Variants in CYB5R3 observed in about 807,000 individuals in gnomAD.
CYB5R3 encodes cytochrome b5 reductase 3.
In CYB5R3, 28 loss-of-function variants were observed where a neutral mutation model predicts 36.5. The ratio of observed to expected loss-of-function variants is 0.77; its 90% confidence interval spans 0.57 to 1.05. The LOEUF (loss-of-function observed/expected upper bound fraction) is 1.05. Among genes scored for constraint, CYB5R3 ranks in the 50% least tolerant of loss-of-function variants. The pLI, the probability that CYB5R3 is intolerant of heterozygous loss-of-function variation, is 0.00. For missense variants in CYB5R3, 474 were observed against 408.9 expected, an observed-to-expected ratio of 1.16 and a Z score of -1.37; for synonymous variants, 181 against 159.8, an observed-to-expected ratio of 1.13 and a Z score of -1.00.
At chr22:42,628,087 A>G in intron 5 of CYB5R3, 65 bp downstream of exon 5, 1 of 1,606,556 alleles carries the variant, frequency 6.2e-7, no homozygotes, top group Non-Finnish European at 8.5e-7. Flanking sequence ...CCCTGCACCC[A>G]GCACGCCCAA....
At chr22:42,634,649 A>G in intron 2 of CYB5R3, among the ~76,000 whole-genome samples, 1 of 143,776 alleles carries the variant, frequency 7.0e-6, no homozygotes, top group Non-Finnish European at 1.5e-5. Context: ...TGATTGAGAC[A>G]GCGTCTTGCT....
chr22:42,623,536 G>C (rs1341586579), intron 8 of CYB5R3, among the ~76,000 whole-genome samples: 3 of 152,194 alleles, frequency 2.0e-5, no homozygotes, highest in African/African-American at 4.8e-5. Context: ...GGGCAGTGCA[G>C]TGCGCCCGGG....
rs1374128664 is a variant in CYB5R3, at chr22:42,640,288, A to G, written c.22-3442T>C. The G allele has an allele frequency of 5.2e-6, 8 of 1,546,324 alleles. No homozygotes were observed. In the East Asian group the frequency reaches 7.3e-5, roughly 14 times the overall value. ...AAATGGAGCCATGGTTCTGGGATGG[A>G]AAGTCCATCATCCCGAATGGCCAGC... On this transcript the variant is annotated intron_variant, in intron 1 of 8. Coordinates refer to ENST00000352397, the MANE Select transcript of CYB5R3 (RefSeq NM_000398.7).
intron 1 of CYB5R3, among the ~76,000 whole-genome samples, chr22:42,644,795 T>C (rs905701107): frequency 2.2e-4 from 34 of 152,186 alleles, no homozygotes; most frequent in Admixed American, 2.0e-3. Context: ...GGGGTTGTGC[T>C]TGGTGCTCCC....
intron 1 of CYB5R3, among the ~76,000 whole-genome samples, chr22:42,637,571 T>C (rs1028143839): frequency 6.6e-6 from 1 of 152,164 alleles, no homozygotes; most frequent in Non-Finnish European, 1.5e-5. Flanking sequence ...ACTGGCTGTG[T>C]GACCCCGAGA....
intron 1 of CYB5R3, among the ~76,000 whole-genome samples, chr22:42,641,151 G>A (rs1323574546): frequency 1.3e-5 from 2 of 152,100 alleles, no homozygotes; most frequent in Non-Finnish European, 2.9e-5. Flanking sequence ...CACCACGCCC[G>A]GCCCCTTATG....
At position 42,638,756 on chromosome 22, in the gene CYB5R3, G is replaced by A. The variant is rs5996202; in HGVS notation, c.22-1910C>T. Among the ~76,000 whole-genome samples the A allele has an allele frequency of 3.6e-4, 32 of 89,730 alleles. 1 individual carries two copies. The highest frequency in any genetic ancestry group is 1.6e-3 in the African/African-American group (29 of 18,704). The allele number at this position is 89,730 out of a possible 152,430, so 58.9% of individuals were successfully genotyped here. A position where few individuals can be genotyped will look rare whatever the true frequency, so the allele number is the denominator to read the frequency against. Reference sequence around the variant, plus strand: ...AAAAAAAAAAAAAAAAAAAAGGCCGGGCGCGGTGGCTCACGCCTGTAATCC... The same window carrying A: ...AAAAAAAAAAAAAAAAAAAAGGCCGAGCGCGGTGGCTCACGCCTGTAATCC... On this transcript the variant is annotated intron_variant, in intron 1 of 8. Coordinates refer to ENST00000352397, the MANE Select transcript of CYB5R3 (RefSeq NM_000398.7).
At chr22:42,644,578 T>C in intron 1 of CYB5R3, 2 of 1,525,060 alleles carry the variant, frequency 1.3e-6, no homozygotes, top group Non-Finnish European at 1.8e-6. Context: ...AGGCCCTTGG[T>C]AGACTTTTCA....
At chr22:42,622,551 GTC>G (rs1928038868) in intron 8 of CYB5R3, among the ~76,000 whole-genome samples, 1 of 152,108 alleles carries the variant, frequency 6.6e-6, no homozygotes, top group Non-Finnish European at 1.5e-5. Flanking sequence ...CCAGGCCTGG[GTC>G]TCTCAGCCTG....
At chr22:42,642,177 T>C (rs1444487869) in intron 1 of CYB5R3, among the ~76,000 whole-genome samples, 1 of 151,824 alleles carries the variant, frequency 6.6e-6, no homozygotes, top group African/African-American at 2.4e-5. Flanking sequence ...AGTGGCGTGA[T>C]CTCAGCTCAC....
At chr22:42,636,115 C>T (rs534893962) in intron 2 of CYB5R3, among the ~76,000 whole-genome samples, 166 of 152,138 alleles carry the variant, frequency 1.1e-3, no homozygotes, top group Non-Finnish European at 1.7e-3. Flanking sequence ...ACTCAGGGGG[C>T]TGAGGTAGGA....
intron 1 of CYB5R3, among the ~76,000 whole-genome samples, chr22:42,647,880 A>G (rs915554087): frequency 2.0e-5 from 3 of 152,190 alleles, no homozygotes; most frequent in African/African-American, 7.2e-5. Flanking sequence ...GAAAAAAGAA[A>G]AAAGAAATGT....
rs73423179 is a variant in CYB5R3 at position 42,632,637 on chromosome 22, G to A, written c.154-1187C>T. The A allele has an allele frequency of 7.1e-4, 108 of 152,388 alleles. 1 individual carries two copies. The highest frequency in any genetic ancestry group is 2.5e-3 in the African/African-American group (105 of 41,576). The allele number at this position is 152,388 out of a possible 1,614,324, so 9.4% of individuals were successfully genotyped here. ...AGCTTCTGCATTAGGGGCAAACAGAGCCCCAAGGCCTTCTGGAAGTGGATT... is the reference window on the plus strand; with the variant it reads ...AGCTTCTGCATTAGGGGCAAACAGAACCCCAAGGCCTTCTGGAAGTGGATT... On this transcript the variant is annotated intron_variant, in intron 2 of 8. Transcript: ENST00000352397.
intron 1 of CYB5R3, among the ~76,000 whole-genome samples, chr22:42,644,184 C>A (rs983811971): frequency 2.6e-5 from 4 of 152,132 alleles, no homozygotes; most frequent in African/African-American, 7.2e-5. Flanking sequence ...TGAGCCACCT[C>A]CCAGGACAGG....
chr22:42,632,688 G>C (rs1404052387), intron 2 of CYB5R3: 1 of 152,296 alleles, frequency 6.6e-6, no homozygotes, highest in African/African-American at 2.4e-5. Context: ...GGTCCTAAGG[G>C]TCAAGGTCAG....
intron 7 of CYB5R3, among the ~76,000 whole-genome samples, chr22:42,626,854 G>A (rs1001233259): frequency 6.6e-6 from 1 of 152,132 alleles, no homozygotes; most frequent in African/African-American, 2.4e-5. Flanking sequence ...GTGGGCTCGT[G>A]GACAAGGATA....
intron 6 of CYB5R3, 45 bp from the exon 7 acceptor site, chr22:42,627,434 G>C (rs769600856): frequency 6.3e-7 from 1 of 1,591,984 alleles, no homozygotes; most frequent in Non-Finnish European, 8.6e-7. Flanking sequence ...AGCGAGGCCT[G>C]TTCACAGGCA....
chr22:42,640,273 A>G (rs1280858121), intron 1 of CYB5R3: 10 of 1,557,262 alleles, frequency 6.4e-6, no homozygotes, highest in Non-Finnish European at 8.7e-6. Context: ...AAATGGAGCC[A>G]TGGTTCTGGG....
chr22:42,646,098 C>G (rs8190392), intron 1 of CYB5R3, among the ~76,000 whole-genome samples: 14 of 152,306 alleles, frequency 9.2e-5, no homozygotes, highest in African/African-American at 3.4e-4. Context: ...GCCCCGTCCT[C>G]GTCCACAGCA....
Sources: gnomAD v4.1 joint callset for allele counts (sites outside exome capture counted in the v4.1 genomes callset) on GRCh38, gnomAD v4.1.1 for gene constraint, MANE v1.5 for transcripts, NCBI Gene and HGNC (gene_info 2026-07-23, HGNC 2026-07-21) for gene names.